The following NTRK3 variants were observed in gnomAD, a reference collection of about 807,000 sequenced individuals.
NTRK3 encodes the protein neurotrophic receptor tyrosine kinase 3, also known as NT-3 growth factor receptor.
A neutral mutation model predicts 91.7 loss-of-function variants in NTRK3; 24 were observed. The observed-to-expected ratio is 0.26, with a 90% confidence interval of 0.19 to 0.37. The LOEUF (loss-of-function observed/expected upper bound fraction) is 0.37, where lower values mean the gene tolerates loss of function less well. Among genes scored for constraint, NTRK3 ranks in the 10% least tolerant of loss-of-function variants. NTRK3 has a pLI of 1.00. For synonymous variants in NTRK3, 483 were observed against 404.0 expected (o/e 1.20, Z -2.34); for missense variants, 880 against 1,068.9 (o/e 0.82, Z 2.46).
chr15:88,114,743 G>T (rs2051846774), intron 13 of NTRK3, among the ~76,000 whole-genome samples: 1 of 152,222 alleles, frequency 6.6e-6, no homozygotes, highest in Non-Finnish European at 1.5e-5. Flanking sequence ...TATCCCAGTG[G>T]CAGGAAATTA....
chr15:87,867,030 G>A lies in NTRK3; in HGVS notation c.*9905C>T, dbSNP rs74692550. The A allele has an allele frequency of 2.9e-3, 644 of 221,190 alleles. 2 individuals carry two copies. Among genetic ancestry groups the A allele is most frequent in the African/African-American group, 0.012 (551 of 44,744 alleles). 13.7% of individuals were successfully genotyped at this position (221,190 alleles called of 1,614,324 possible). A position where few individuals can be genotyped will look rare whatever the true frequency, so the allele number is the denominator to read the frequency against. On this transcript the variant is annotated 3_prime_UTR_variant, in exon 19 of 19. Transcript: ENST00000394480. Reference sequence around the variant, plus strand: ...ACAACAGAGGAAATTAAAAGAAAACGTGTTTGGAGAAAGGCTCCCCTTTCC... The same window carrying A: ...ACAACAGAGGAAATTAAAAGAAAACATGTTTGGAGAAAGGCTCCCCTTTCC...
intron 13 of NTRK3, among the ~76,000 whole-genome samples, chr15:88,052,846 T>G (rs1012357774): frequency 2.0e-5 from 3 of 152,100 alleles, no homozygotes; most frequent in African/African-American, 7.2e-5. Context: ...ACATTCCAGG[T>G]ATTTTAGGAA....
At chr15:88,145,934 A>C (rs889347256) in intron 6 of NTRK3, among the ~76,000 whole-genome samples, 2 of 152,214 alleles carry the variant, frequency 1.3e-5, no homozygotes, top group African/African-American at 4.8e-5. Context: ...ACAGTGGTCA[A>C]AGCTTTGGGT....
chr15:87,932,950 G>A (rs1235304709), intron 16 of NTRK3, 62 bp downstream of exon 16: 2 of 1,583,412 alleles, frequency 1.3e-6, no homozygotes, highest in East Asian at 2.2e-5. Flanking sequence ...CTGGCTCCAG[G>A]GAAAACCCCA....
exon 19 of NTRK3, chr15:87,875,279 G>C (rs1231860156): frequency 4.3e-6 from 1 of 230,062 alleles, no homozygotes; most frequent in African/African-American, 2.2e-5. Flanking sequence ...CCCGTGGCCT[G>C]GGAGGAACAC....
chr15:87,912,627 T>C (rs1331688794), intron 17 of NTRK3, among the ~76,000 whole-genome samples: 1 of 151,904 alleles, frequency 6.6e-6, no homozygotes, highest in Non-Finnish European at 1.5e-5. Context: ...ATCTGCTCTC[T>C]CTCTCTCTCT....
intron 14 of NTRK3, among the ~76,000 whole-genome samples, chr15:88,025,609 C>G (rs927156011): frequency 6.6e-6 from 1 of 152,122 alleles, no homozygotes; most frequent in Non-Finnish European, 1.5e-5. Flanking sequence ...AGCAACACCA[C>G]CAGAAACTAG....
Position 88,082,092 on chromosome 15 carries a change from C to T in NTRK3, c.1396+44179G>A, listed in dbSNP as rs140104688. The stretch of plus-strand genomic sequence containing the variant: ...GAGATGGAGACCATCCTGACTAACA[C>T]GGTGAAACCCCGTCCCTACTGAAAA... On this transcript the variant is annotated intron_variant, in intron 13 of 18. Transcript: ENST00000394480. Among the ~76,000 whole-genome samples, 7 of 152,082 alleles carry T rather than the reference C, an allele frequency of 4.6e-5. No individual in the cohort carries two copies. In the East Asian group the frequency reaches 5.8e-4, roughly 13 times the overall value.
At chr15:87,975,749 A>G (rs1349663057) in intron 14 of NTRK3, among the ~76,000 whole-genome samples, 1 of 152,152 alleles carries the variant, frequency 6.6e-6, no homozygotes, top group Non-Finnish European at 1.5e-5. Flanking sequence ...CTTTCCATAG[A>G]TCCCCATAGT....
intron 13 of NTRK3, among the ~76,000 whole-genome samples, chr15:88,034,424 T>A (rs1260908364): frequency 1.3e-5 from 2 of 152,326 alleles, no homozygotes; most frequent in East Asian, 3.9e-4. Context: ...GCAGTCTTGG[T>A]AGAAGAATGC....
intron 13 of NTRK3, among the ~76,000 whole-genome samples, chr15:88,109,228 A>C (rs1487136578): frequency 1.3e-5 from 2 of 152,172 alleles, no homozygotes; most frequent in Admixed American, 6.5e-5. Flanking sequence ...TAAATACTGC[A>C]GTGGACAGGT....
intron 13 of NTRK3, among the ~76,000 whole-genome samples, chr15:88,046,735 G>A (rs546363034): frequency 9.2e-5 from 14 of 152,264 alleles, no homozygotes; most frequent in Non-Finnish European, 1.9e-4. Context: ...GACAGCAGCC[G>A]GGCAAGGGCC....
intron 14 of NTRK3, among the ~76,000 whole-genome samples, chr15:87,963,045 T>C (rs1034107938): frequency 6.6e-6 from 1 of 152,196 alleles, no homozygotes; most frequent in Non-Finnish European, 1.5e-5. Flanking sequence ...ACGTGTTGCA[T>C]CTTTGGGTCT....
At chr15:88,188,456 A>T (rs571919262) in intron 3 of NTRK3, among the ~76,000 whole-genome samples, 3 of 152,308 alleles carry the variant, frequency 2.0e-5, no homozygotes, top group East Asian at 3.9e-4. Context: ...TGCAATGCAC[A>T]GGACAGCCCC....
intron 3 of NTRK3, among the ~76,000 whole-genome samples, chr15:88,217,174 A>C (rs1158222277): frequency 6.6e-6 from 1 of 152,238 alleles, no homozygotes; most frequent in Non-Finnish European, 1.5e-5. Flanking sequence ...AAAATGGTAC[A>C]ACCACTAAGG....
intron 14 of NTRK3, among the ~76,000 whole-genome samples, chr15:87,948,596 G>A (rs888418238): frequency 6.6e-6 from 1 of 152,220 alleles, no homozygotes; most frequent in African/African-American, 2.4e-5. Context: ...GCTGAAGCAG[G>A]AGAATCGCTT....
intron 3 of NTRK3, among the ~76,000 whole-genome samples, chr15:88,213,109 T>C (rs1289633366): frequency 6.6e-6 from 1 of 152,230 alleles, no homozygotes; most frequent in African/African-American, 2.4e-5. Flanking sequence ...AATGTCTTTC[T>C]GGTGTGGATT....
At chr15:88,041,138 G>A (rs958436026) in intron 13 of NTRK3, among the ~76,000 whole-genome samples, 1 of 152,204 alleles carries the variant, frequency 6.6e-6, no homozygotes, top group African/African-American at 2.4e-5. Flanking sequence ...CAGCTCCCCT[G>A]TGATTGGGGC....
In NTRK3 at chr15:88,139,455, C is replaced by G. The variant is rs370038510; in HGVS notation, c.465-1894G>C. Among the ~76,000 whole-genome samples the G allele has an allele frequency of 4.6e-5, 7 of 151,928 alleles. No individual in the cohort carries two copies. The East Asian group carries it at 1.2e-3, about 25-fold the overall frequency. On this transcript the variant is annotated intron_variant, in intron 6 of 18. Coordinates refer to ENST00000394480, the Ensembl canonical transcript of NTRK3. ...AACTCCAAAATAGTTAAGCATGCATCAAAATTAATCAGCTTTCAGGAAAAC... is the reference window on the plus strand; with the variant it reads ...AACTCCAAAATAGTTAAGCATGCATGAAAATTAATCAGCTTTCAGGAAAAC...
Sources: allele counts gnomAD v4.1 joint callset (sites outside exome capture counted in the v4.1 genomes callset), GRCh38; gene constraint gnomAD v4.1.1; transcripts MANE v1.5; gene names NCBI Gene and HGNC (gene_info 2026-07-23, HGNC 2026-07-21).